Variants in LRRC2 observed in about 807,000 individuals in gnomAD.
LRRC2 encodes leucine rich repeat containing 2.
Under a neutral mutation model 40.2 loss-of-function variants are expected in LRRC2, and 27 were observed. The ratio of observed to expected loss-of-function variants is 0.67; its 90% confidence interval spans 0.49 to 0.93. LRRC2 has a LOEUF of 0.93. Among genes scored for constraint, LRRC2 ranks in the 40% least tolerant of loss-of-function variants. LRRC2 has a pLI of 0.00. For synonymous variants in LRRC2, 147 were observed against 158.9 expected, an observed-to-expected ratio of 0.92 and a Z score of 0.56; for missense variants, 402 against 439.6, an observed-to-expected ratio of 0.91 and a Z score of 0.76.
chr3:46,519,592 C>T (rs762813318), intron 8 of LRRC2, among the ~76,000 whole-genome samples: 1 of 152,202 alleles, frequency 6.6e-6, no homozygotes, highest in Non-Finnish European at 1.5e-5. Context: ...ACCAATGGCT[C>T]TCAAAGTGTA....
At position 46,532,882 on chromosome 3, in the gene LRRC2, T is replaced by C. The variant is rs1409703384; in HGVS notation, c.518A>G (p.Asn173Ser). 8.1e-6 allele frequency: 13 copies of C among 1,613,888 alleles called. No individual in the cohort carries two copies. Among genetic ancestry groups the C allele is most frequent in the African/African-American group, 1.3e-5 (1 of 74,924 alleles). The part of the protein sequence containing the change: ...IGCLKNLKEL[N>S]VGFNYLKSIP... Reference sequence around the variant, plus strand: ...GCTCTTCAGATAGTTGAAACCCACATTGAGTTCTTTCAGGTTCTTCAAACA... The same window carrying C: ...GCTCTTCAGATAGTTGAAACCCACACTGAGTTCTTTCAGGTTCTTCAAACA... Residue 173 changes from asparagine (N) to serine (S), a missense_variant, in exon 5 of 9, where the codon AAT becomes AGT. Transcript: ENST00000395905.
intron 2 of LRRC2, among the ~76,000 whole-genome samples, chr3:46,550,832 C>T (rs142604451): frequency 1.2e-4 from 19 of 152,294 alleles, no homozygotes; most frequent in Non-Finnish European, 2.4e-4. Context: ...ACCCCTAATG[C>T]ATCATCCATG....
chr3:46,556,726 G>C (rs58498208), intron 1 of LRRC2, among the ~76,000 whole-genome samples: 2 of 151,520 alleles, frequency 1.3e-5, no homozygotes, highest in East Asian at 1.9e-4. Flanking sequence ...TTACAGGCAC[G>C]TGCCACCACG....
chr3:46,524,914 C>T (rs1470973638), intron 7 of LRRC2, among the ~76,000 whole-genome samples: 2 of 151,956 alleles, frequency 1.3e-5, no homozygotes, highest in African/African-American at 2.4e-5. Flanking sequence ...TTCTTCATAC[C>T]ATATGAAGTC....
At chr3:46,540,349 A>AC (rs1273212237) in intron 3 of LRRC2, among the ~76,000 whole-genome samples, 1 of 152,068 alleles carries the variant, frequency 6.6e-6, no homozygotes, top group Non-Finnish European at 1.5e-5. Flanking sequence ...ACATGGTGAA[A>AC]CCCCATCTCT....
rs182188568 is a variant in LRRC2 at position 46,541,223 on chromosome 3, C to T, written c.334-2022G>A. ...TGGCGGGCGCCTGCAGTCCCAGCTG[C>T]TCGGGAGGCTGAGGCAGGAGAATGG... On this transcript the variant is annotated intron_variant, in intron 3 of 8. Transcript: ENST00000395905. Among the ~76,000 whole-genome samples, 872 of 151,596 alleles carry T rather than the reference C, an allele frequency of 5.8e-3. 7 individuals carry two copies. Among genetic ancestry groups the T allele is most frequent in the African/African-American group, 0.02 (819 of 41,350 alleles).
chr3:46,529,777 G>A, intron 6 of LRRC2, 128 bp downstream of exon 6: 1 of 1,001,568 alleles, frequency 1.0e-6, no homozygotes, highest in Non-Finnish European at 1.4e-6. Flanking sequence ...TGATTTCCTG[G>A]AAAGGAAACT....
intron 1 of LRRC2, among the ~76,000 whole-genome samples, chr3:46,563,814 G>A (rs896979961): frequency 1.4e-4 from 21 of 152,188 alleles, no homozygotes; most frequent in African/African-American, 3.9e-4. Flanking sequence ...TGTAGCATAC[G>A]ATGGGAACTG....
intron 3 of LRRC2, among the ~76,000 whole-genome samples, chr3:46,543,093 G>A (rs933211508): frequency 1.3e-5 from 2 of 152,168 alleles, no homozygotes; most frequent in African/African-American, 4.8e-5. Context: ...AAGCTCTCTG[G>A]GGGAGGAAAA....
chr3:46,551,462 C>A lies in LRRC2; in HGVS notation c.125+5G>T, dbSNP rs1236977732. The A allele has an allele frequency of 6.2e-6, 10 of 1,612,060 alleles. No individual in the cohort carries two copies. The highest frequency in any genetic ancestry group is 6.8e-6 in the Non-Finnish European group (8 of 1,179,356). ...GCTACAAGACTAGGTTGAGAAAACA[C>A]GTACTTCTCCAAGGCGCTCTTCTCA... is the stretch of plus-strand genomic sequence containing the variant. On this transcript the variant is annotated splice_donor_5th_base_variant and intron_variant, in intron 2 of 8. Coordinates refer to ENST00000395905, the MANE Select transcript of LRRC2 (RefSeq NM_024512.5).
At chr3:46,531,997 A>T (rs1704168623) in intron 5 of LRRC2, among the ~76,000 whole-genome samples, 1 of 152,192 alleles carries the variant, frequency 6.6e-6, no homozygotes, top group Admixed American at 6.5e-5. Flanking sequence ...ATTTAAAATC[A>T]TTTGTCCATG....
At chr3:46,533,100 A>G (rs1704190958) in intron 4 of LRRC2, among the ~76,000 whole-genome samples, 191 bp from the exon 5 acceptor site, 1 of 152,218 alleles carries the variant, frequency 6.6e-6, no homozygotes, top group Non-Finnish European at 1.5e-5. Context: ...GAGGTTCTGG[A>G]AATCACAGAG....
At chr3:46,530,929 T>C (rs1704148179) in intron 5 of LRRC2, among the ~76,000 whole-genome samples, 1 of 152,042 alleles carries the variant, frequency 6.6e-6, no homozygotes, top group African/African-American at 2.4e-5. Context: ...AGAGTTAGAG[T>C]GACTATATTA....
In LRRC2 at chr3:46,517,787, G is replaced by C. The variant is rs1008295971; in HGVS notation, c.*1227C>G. On this transcript the variant is annotated 3_prime_UTR_variant, in exon 9 of 9. Transcript: ENST00000395905. ...ACATAAGAGCCCAAAGTCTTGTAAT[G>C]AATCCCACCTCTCCCAAATTCAAAC... 2.0e-5 allele frequency: 3 copies of C among 152,210 alleles called. No homozygotes were observed. The highest frequency in any genetic ancestry group is 4.4e-5 in the Non-Finnish European group (3 of 68,044). The allele number at this position is 152,210 out of a possible 1,614,324, so 9.4% of individuals were successfully genotyped here. A position where few individuals can be genotyped will look rare whatever the true frequency, so the allele number is the denominator to read the frequency against.
rs912691371 is a variant in LRRC2 at position 46,538,472 on chromosome 3, TA to T, written c.490+572del. ...CAACATGGTGAAACCCCTTCTCTAC[TA>T]AAAAAAAAAATACAAAATCAGCTGG... On this transcript the variant is annotated intron_variant, in intron 4 of 8. Coordinates refer to ENST00000395905, the MANE Select transcript of LRRC2 (RefSeq NM_024512.5). Among the ~76,000 whole-genome samples the T allele has an allele frequency of 4.1e-3, 593 of 144,746 alleles. 3 individuals are homozygous for T. The highest frequency in any genetic ancestry group is 0.012 in the African/African-American group (489 of 39,640). The allele number at this position is 144,746 out of a possible 152,430, so 95.0% of individuals were successfully genotyped here.
chr3:46,535,330 A>T (rs1704251662), intron 4 of LRRC2, among the ~76,000 whole-genome samples: 1 of 152,224 alleles, frequency 6.6e-6, no homozygotes. Context: ...TGAGAAGGGA[A>T]TCGTCTGTCT....
At chr3:46,532,493 T>A (rs548021660) in intron 5 of LRRC2, among the ~76,000 whole-genome samples, 229 of 152,098 alleles carry the variant, frequency 1.5e-3, no homozygotes, top group African/African-American at 5.3e-3. Flanking sequence ...CAGAACCAGC[T>A]ACTCAGGAGG....
chr3:46,541,431 T>C (rs1487561899), intron 3 of LRRC2, among the ~76,000 whole-genome samples: 1 of 152,024 alleles, frequency 6.6e-6, no homozygotes, highest in African/African-American at 2.4e-5. Flanking sequence ...AATGTATGCA[T>C]GTACTTTTGC....
chr3:46,540,320 T>A (rs1019288370), intron 3 of LRRC2, among the ~76,000 whole-genome samples: 3 of 151,496 alleles, frequency 2.0e-5, no homozygotes, highest in African/African-American at 4.9e-5. Context: ...AGGTCAGGAG[T>A]TCGAGACCAG....
Sources: gnomAD v4.1 joint callset for allele counts (sites outside exome capture counted in the v4.1 genomes callset) on GRCh38, gnomAD v4.1.1 for gene constraint, MANE v1.5 for transcripts, NCBI Gene and HGNC (gene_info 2026-07-23, HGNC 2026-07-21) for gene names.